The following UNC45A variants were observed in gnomAD, a reference collection of about 807,000 sequenced individuals.
UNC45A encodes the protein unc-45 myosin chaperone A.
In UNC45A, 78 loss-of-function variants were observed where a neutral mutation model predicts 103.2. The ratio of observed to expected loss-of-function variants is 0.76; its 90% CI spans 0.63 to 0.91. The LOEUF (loss-of-function observed/expected upper bound fraction) is 0.91. Among genes scored for constraint, UNC45A ranks in the 40% least tolerant of loss-of-function variants. The probability of loss-of-function intolerance (pLI) is 0.00; values close to 1 mark genes in which losing one functional copy is unlikely to be tolerated. For missense variants in UNC45A, 1,193 were observed against 1,224.8 expected (o/e 0.97, Z 0.39); for synonymous variants, 495 against 504.6 (o/e 0.98, Z 0.25).
Position 90,935,593 on chromosome 15 carries a change from G to A in UNC45A, c.101G>A (p.Cys34Tyr), listed in dbSNP as rs1016064043. 6.2e-7 allele frequency: 1 copy of A among 1,613,344 alleles called. No homozygotes were observed. The highest frequency in any genetic ancestry group is 8.5e-7 in the Non-Finnish European group (1 of 1,179,722). ...AAGGAGGGCAATGAGCTGTTCAAAT[G>A]TGGAGACTACGGGGGCGCCCTGGCG... ...LRKEGNELFK[C>Y]GDYGGALAAY... Residue 34 changes from cysteine to tyrosine, a missense_variant, in exon 2 of 20, where the codon TGT (cysteine) becomes TAT (tyrosine). Transcript: ENST00000418476.
chr15:90,945,717 C>T (rs1043361748), intron 9 of UNC45A, among the ~76,000 whole-genome samples: 1 of 151,432 alleles, frequency 6.6e-6, no homozygotes, highest in Non-Finnish European at 1.5e-5. Flanking sequence ...TTGCAACCTC[C>T]ACCCTCCCAG....
intron 9 of UNC45A, among the ~76,000 whole-genome samples, chr15:90,946,046 A>G (rs1196872628): frequency 3.4e-5 from 5 of 149,088 alleles, no homozygotes. Flanking sequence ...TTAGGTCAGG[A>G]GTTCGAGACC....
chr15:90,945,047 T>G lies in UNC45A; in HGVS notation c.1183T>G (p.Cys395Gly). Residue 395 changes from cysteine (C) to glycine (G), a missense_variant, in exon 9 of 20, where the codon TGT becomes GGT. Physicochemically the swap from Cys to Gly is radical, Grantham distance 159. Coordinates refer to ENST00000418476, the MANE Select transcript of UNC45A (RefSeq NM_018671.5). The part of the protein sequence containing the change: ...DAERENFHRL[C>G]ENYIKSWFEG... ...GGAGAGGGAGAATTTCCACAGACTT[T>G]GTGAAAACTACATCAAGTAAGGAAG... 1.2e-6 allele frequency: 2 copies of G among 1,612,806 alleles called. No homozygotes were observed. Among genetic ancestry groups the G allele is most frequent in the Admixed American group, 1.7e-5 (1 of 59,942 alleles).
rs1048241984 is a variant in UNC45A at position 90,950,708 on chromosome 15, C to T, written c.2303+93C>T. On this transcript the variant is annotated intron_variant, in intron 17 of 19. Transcript: ENST00000418476. ...TACACATTGGGAAACACTCCTTGGT[C>T]ATGGGCTTCTGTGAGCCTCACAGTG... The T allele has an allele frequency of 2.8e-5, 37 of 1,298,274 alleles. No individual in the cohort carries two copies. In the Middle Eastern group the frequency reaches 7.3e-4, roughly 26 times the overall value. 80.4% of individuals were successfully genotyped at this position (1,298,274 alleles called of 1,614,324 possible). A position where few individuals can be genotyped will look rare whatever the true frequency, so the allele number is the denominator to read the frequency against.
intron 6 of UNC45A, among the ~76,000 whole-genome samples, chr15:90,941,450 G>C (rs1203660980): frequency 6.6e-6 from 1 of 152,204 alleles, no homozygotes; most frequent in Non-Finnish European, 1.5e-5. Context: ...GTGAAACTGT[G>C]AAATAGTCAA....
At chr15:90,932,105 C>G, upstream of UNC45A, 1 of 1,594,146 alleles carries the variant, frequency 6.3e-7, no homozygotes, top group Non-Finnish European at 8.6e-7. Context: ...AGGATCCGTG[C>G]CACACCTGAC....
chr15:90,947,920 C>T (rs762449170), intron 11 of UNC45A, 30 bp downstream of exon 11: 3 of 1,596,918 alleles, frequency 1.9e-6, no homozygotes, highest in Admixed American at 1.7e-5. Context: ...TGTGGTTCCC[C>T]ACCTGTGGGG....
At chr15:90,946,942 G>GGGGGGGGGGGGC in intron 10 of UNC45A, 28 bp downstream of exon 10, 6 of 817,402 alleles carry the variant, frequency 7.3e-6, no homozygotes, top group East Asian at 3.3e-5. Context: ...GGGTGGGTGG[G>GGGGGGGGGGGGC]CAGGCAGCCA....
chr15:90,947,120 T>G lies in UNC45A; in HGVS notation c.1500+206T>G, dbSNP rs1596232889. 5.0e-6 allele frequency: 3 copies of G among 605,866 alleles called. No individual in the cohort carries two copies. The South Asian group carries it at 6.3e-5, about 13-fold the overall frequency. The allele number at this position is 605,866 out of a possible 1,614,324, so 37.5% of individuals were successfully genotyped here. ...AGGAGGATCACTTGAGCTCAGGAGG[T>G]TGAGGCTGTGGTGAGTCACGCATGT... On this transcript the variant is annotated intron_variant, in intron 10 of 19. Coordinates refer to ENST00000418476, the MANE Select transcript of UNC45A (RefSeq NM_018671.5).
Position 90,953,564 on chromosome 15 carries a change from G to C in UNC45A, c.2683G>C (p.Glu895Gln). 6.2e-7 allele frequency: 1 copy of C among 1,614,196 alleles called. No homozygotes were observed. Among genetic ancestry groups the C allele is most frequent in the Non-Finnish European group, 8.5e-7 (1 of 1,180,038 alleles). Residue 895 changes from glutamate (E) to glutamine (Q), a missense_variant, in exon 20 of 20, where the codon GAG becomes CAG. Glu to Gln is a conservative substitution (Grantham distance 29). Transcript: ENST00000418476. Reference protein sequence around the residue: ...VVLNMVEASREIASTLMESEM... With the variant: ...VVLNMVEASRQIASTLMESEM... Reference sequence around the variant, plus strand: ...GCTGAACATGGTGGAGGCCTCGAGGGAGATTGCCAGCACCCTGATGGAGAG... The same window carrying C: ...GCTGAACATGGTGGAGGCCTCGAGGCAGATTGCCAGCACCCTGATGGAGAG...
chr15:90,950,402 C>T, intron 16 of UNC45A, 98 bp from the exon 17 acceptor site: 1 of 1,465,558 alleles, frequency 6.8e-7, no homozygotes. Flanking sequence ...CAGCCTGAGA[C>T]AGCAGTACTC....
Position 90,949,424 on chromosome 15 carries a change from T to C in UNC45A, c.1987T>C (p.Cys663Arg). The C allele has an allele frequency of 6.2e-7, 1 of 1,613,788 alleles. No homozygotes were observed. Among genetic ancestry groups the C allele is most frequent in the Non-Finnish European group, 8.5e-7 (1 of 1,180,002 alleles). Residue 663 changes from cysteine (C) to arginine (R), a missense_variant, in exon 14 of 20, where the codon TGC becomes CGC. Coordinates refer to ENST00000418476, the MANE Select transcript of UNC45A (RefSeq NM_018671.5). The part of the protein sequence containing the change: ...KTESPVLTSS[C>R]RELLSRVFLA... Reference sequence around the variant, plus strand: ...GGAGAGCCCTGTGCTGACCAGTTCCTGCAGAGAGCTGCTCTCCAGGTGAGC... The same window carrying C: ...GGAGAGCCCTGTGCTGACCAGTTCCCGCAGAGAGCTGCTCTCCAGGTGAGC...
chr15:90,938,757 C>T (rs2036140728), intron 4 of UNC45A, among the ~76,000 whole-genome samples: 2 of 152,150 alleles, frequency 1.3e-5, no homozygotes, highest in South Asian at 2.1e-4. Context: ...CTGCAACCTC[C>T]ACCTCCCAGA....
At chr15:90,935,259 T>G, upstream of UNC45A, 2 of 1,488,382 alleles carry the variant, frequency 1.3e-6, no homozygotes, top group Non-Finnish European at 1.8e-6. Context: ...GCCGGTGGCG[T>G]CCCGAACCCA....
chr15:90,951,149 AG>A (rs2036888332), intron 17 of UNC45A, among the ~76,000 whole-genome samples: 1 of 152,154 alleles, frequency 6.6e-6, no homozygotes, highest in African/African-American at 2.4e-5. Context: ...CTGGGATTAT[AG>A]GCACGTGCTA....
rs763767279 is a variant in UNC45A, at chr15:90,939,794, G to C, written c.490G>C (p.Glu164Gln). Residue 164 changes from glutamate to glutamine, a missense_variant, in exon 5 of 20, where the codon GAA becomes CAA. Coordinates refer to ENST00000418476, the MANE Select transcript of UNC45A (RefSeq NM_018671.5). ...EQMFQILLDPEEKGTEKKQKA... is the reference protein window; with the variant it reads ...EQMFQILLDPQEKGTEKKQKA... ...GATGTTTCAGATACTGTTGGACCCA[G>C]AAGAGAAGGGCACTGAGAAAAAGCA... The C allele has an allele frequency of 1.8e-5, 29 of 1,614,082 alleles. No individual in the cohort carries two copies. The highest frequency in any genetic ancestry group is 2.4e-5 in the Non-Finnish European group (28 of 1,180,052).
chr15:90,947,051 T>G, intron 10 of UNC45A, 137 bp downstream of exon 10: 1 of 993,660 alleles, frequency 1.0e-6, no homozygotes, highest in Non-Finnish European at 1.5e-6. Flanking sequence ...TAGCTAGGCT[T>G]GGTGGTGCAT....
chr15:90,936,551 C>A (rs148854229), intron 4 of UNC45A, 91 bp downstream of exon 4: 11 of 1,449,100 alleles, frequency 7.6e-6, no homozygotes, highest in Non-Finnish European at 9.2e-6. Context: ...GACGAGATCC[C>A]GGTGGCAAGT....
At chr15:90,940,571 G>GTCCA (rs2036242962) in intron 6 of UNC45A, 98 bp downstream of exon 6, 1 of 1,456,534 alleles carries the variant, frequency 6.9e-7, no homozygotes, top group Non-Finnish European at 9.3e-7. Flanking sequence ...CCATCTGCCC[G>GTCCA]TCCATCCATC....
Sources: allele counts gnomAD v4.1 joint callset (sites outside exome capture counted in the v4.1 genomes callset), GRCh38; gene constraint gnomAD v4.1.1; transcripts MANE v1.5; gene names NCBI Gene and HGNC (gene_info 2026-07-23, HGNC 2026-07-21).